FOXN2: variants seen among roughly 807,000 people sequenced by gnomAD.
The protein encoded by FOXN2 is forkhead box N2, also known as forkhead box protein N2.
FOXN2 carries 19 observed loss-of-function variants against 41.2 expected under a neutral mutation model. That is an observed-to-expected ratio of 0.46 (90% CI 0.32 to 0.68). The LOEUF (loss-of-function observed/expected upper bound fraction) is 0.68, where lower values mean the gene tolerates loss of function less well. Ranked by LOEUF, FOXN2 falls within the 30% of genes least tolerant of loss-of-function variation. The pLI, the probability that FOXN2 is intolerant of heterozygous loss-of-function variation, is 0.03. For missense variants in FOXN2, 587 were observed against 509.4 expected (o/e 1.15, Z -1.47); for synonymous variants, 195 against 176.8 (o/e 1.10, Z -0.82).
At chr2:48,353,600 G>C (rs1671598220) in intron 3 of FOXN2, among the ~76,000 whole-genome samples, 1 of 142,004 alleles carries the variant, frequency 7.0e-6, no homozygotes, top group African/African-American at 2.6e-5. Flanking sequence ...GTGTGTGTGT[G>C]TGTGTGAAAG....
Position 48,346,492 on chromosome 2 carries a change from T to C in FOXN2, c.278T>C (p.Val93Ala). ...TTGTATGACATAGAGGGAGATGATG[T>C]GCCATCCTTTGGACCAGCTTGCTAC... ...SPLYDIEGDDVPSFGPACYQN... is the reference protein window; with the variant it reads ...SPLYDIEGDDAPSFGPACYQN... Residue 93 changes from valine to alanine, a missense_variant, in exon 3 of 7, where the codon GTG (valine) becomes GCG (alanine). By Grantham distance (64) the Val-to-Ala change is moderately conservative (BLOSUM62 0). Coordinates refer to ENST00000340553, the MANE Select transcript of FOXN2 (RefSeq NM_002158.4). 6.2e-7 allele frequency: 1 copy of C among 1,614,152 alleles called. No individual in the cohort carries two copies. Among genetic ancestry groups the C allele is most frequent in the Non-Finnish European group, 8.5e-7 (1 of 1,180,010 alleles).
intron 1 of FOXN2, among the ~76,000 whole-genome samples, chr2:48,322,692 G>C (rs1189123893): frequency 6.7e-6 from 1 of 149,572 alleles, no homozygotes; most frequent in East Asian, 1.9e-4. Context: ...ATCACCTCAT[G>C]TCTGAGCTTT....
intron 2 of FOXN2, among the ~76,000 whole-genome samples, chr2:48,341,226 A>G (rs62137001): frequency 0.24 from 35,951 of 152,084 alleles, 4,740 homozygotes; most frequent in East Asian, 0.52. Flanking sequence ...CTGACCATGC[A>G]TATTATTAAT....
At position 48,351,629 on chromosome 2, in the gene FOXN2, A is replaced by G. The variant is rs1240209169; in HGVS notation, c.537+4878A>G. Among the ~76,000 whole-genome samples, 5 of 152,138 alleles carry G rather than the reference A, an allele frequency of 3.3e-5. No individual in the cohort carries two copies. The East Asian group carries it at 7.7e-4, about 24-fold the overall frequency. On this transcript the variant is annotated intron_variant, in intron 3 of 6. Transcript: ENST00000340553. ...GATTCTCATAAGGAGCGCACAGCCT[A>G]GATCCCCTCACATGCACAGTTCACA...
At chr2:48,369,715 T>C (rs960320483) in intron 5 of FOXN2, among the ~76,000 whole-genome samples, 1 of 151,484 alleles carries the variant, frequency 6.6e-6, no homozygotes, top group Admixed American at 6.6e-5. Context: ...AGATCCTTTT[T>C]ATTAAAAAGA....
intron 1 of FOXN2, among the ~76,000 whole-genome samples, chr2:48,317,585 T>C (rs1669004825): frequency 7.2e-6 from 1 of 139,536 alleles, no homozygotes; most frequent in African/African-American, 2.6e-5. Flanking sequence ...GCCTATAGCC[T>C]ATAGTATTGC....
chr2:48,349,827 T>TA (rs1192060882), intron 3 of FOXN2, among the ~76,000 whole-genome samples: 1 of 152,194 alleles, frequency 6.6e-6, no homozygotes, highest in Non-Finnish European at 1.5e-5. Flanking sequence ...TATGAACTCT[T>TA]ACCTTTGACA....
chr2:48,368,003 C>T (rs1239714862), intron 5 of FOXN2, among the ~76,000 whole-genome samples: 1 of 152,224 alleles, frequency 6.6e-6, no homozygotes, highest in Middle Eastern at 3.4e-3. Context: ...TGACCTCACC[C>T]GGCTAATTTT....
At chr2:48,314,368 GC>G (rs1668743323), upstream of FOXN2, among the ~76,000 whole-genome samples, 1 of 152,226 alleles carries the variant, frequency 6.6e-6, no homozygotes, top group Non-Finnish European at 1.5e-5. Context: ...GCCCTGCTCA[GC>G]CCTAAACCCG....
intron 2 of FOXN2, among the ~76,000 whole-genome samples, chr2:48,332,228 T>A (rs1360153389): frequency 6.6e-6 from 1 of 152,216 alleles, no homozygotes; most frequent in Non-Finnish European, 1.5e-5. Flanking sequence ...GTAGTATAGT[T>A]ATTTTTATTG....
rs748357224 is a variant in FOXN2, at chr2:48,375,362, C to T, written c.1215C>T (p.Leu405=). ...TCAAAGAGGCAGCTGGATCTCTGCT[C>T]CACCTTGCTGGAATTCGTACATGTT... ...EELKEAAGSL[L]HLAGIRTCLG... Residue 405 remains leucine (L), a synonymous_variant, in exon 7 of 7, where the codon CTC becomes CTT. Coordinates refer to ENST00000340553, the MANE Select transcript of FOXN2 (RefSeq NM_002158.4). 44 of 1,613,494 alleles carry T rather than the reference C, an allele frequency of 2.7e-5. No homozygotes were observed. The highest frequency in any genetic ancestry group is 1.8e-4 in the East Asian group (8 of 44,796).
chr2:48,315,359 CG>C (rs1668838319), intron 1 of FOXN2, among the ~76,000 whole-genome samples: 1 of 152,062 alleles, frequency 6.6e-6, no homozygotes, highest in Non-Finnish European at 1.5e-5. Context: ...GGGGAGGTGC[CG>C]GGGGCGGCCG....
At chr2:48,317,595 C>CCTTTTTTTTTTTTTTTTTTTTTTTTT (rs1669006573) in intron 1 of FOXN2, among the ~76,000 whole-genome samples, 1 of 34,712 alleles carries the variant, frequency 2.9e-5, no homozygotes, top group African/African-American at 8.7e-5. Flanking sequence ...TATAGTATTG[C>CCTTTTTTTTTTTTTTTTTTTTTTTTT]TTTTTTTTTT....
At position 48,333,289 on chromosome 2, in the gene FOXN2, A is replaced by G. The variant is rs539666196; in HGVS notation, c.-15+4587A>G. Reference sequence around the variant, plus strand: ...ATCTCTTTCTCTACCTTTTATCTACATTACTAGATGCAGAGATACTATAAT... The same window carrying G: ...ATCTCTTTCTCTACCTTTTATCTACGTTACTAGATGCAGAGATACTATAAT... On this transcript the variant is annotated intron_variant, in intron 2 of 6. Transcript: ENST00000340553. 1.9e-4 allele frequency among the ~76,000 whole-genome samples: 29 copies of G among 152,246 alleles called. No homozygotes were observed. In the South Asian group the frequency reaches 5.6e-3, roughly 29 times the overall value.
intron 2 of FOXN2, among the ~76,000 whole-genome samples, chr2:48,330,896 G>C (rs572066315): frequency 1.6e-4 from 25 of 152,174 alleles, no homozygotes; most frequent in Non-Finnish European, 2.6e-4. Flanking sequence ...CTGTAGGCTA[G>C]ATGCTGCCAT....
chr2:48,320,013 G>A (rs1166721363), intron 1 of FOXN2, among the ~76,000 whole-genome samples: 2 of 151,706 alleles, frequency 1.3e-5, no homozygotes, highest in African/African-American at 4.8e-5. Flanking sequence ...ATAGAGAATT[G>A]AGGAAATTGA....
In FOXN2 at chr2:48,346,062, C is replaced by G. The variant is rs187179077; in HGVS notation, c.-14-139C>G. 3.6e-5 allele frequency: 24 copies of G among 675,116 alleles called. No homozygotes were observed. In the East Asian group the frequency reaches 5.9e-4, roughly 17 times the overall value. 41.8% of individuals were successfully genotyped at this position (675,116 alleles called of 1,614,324 possible). On this transcript the variant is annotated intron_variant, in intron 2 of 6. Transcript: ENST00000340553. ...TATAACCATTAGTATCTTCATTATA[C>G]AAATGTTGTGCTTAAATATTATGTG...
intron 1 of FOXN2, among the ~76,000 whole-genome samples, chr2:48,320,312 A>G (rs1669216006): frequency 6.7e-6 from 1 of 149,722 alleles, no homozygotes; most frequent in African/African-American, 2.5e-5. Context: ...TTATTTTGAG[A>G]TGGAGTTGTG....
intron 2 of FOXN2, among the ~76,000 whole-genome samples, 190 bp downstream of exon 2, chr2:48,328,892 C>G (rs968220569): frequency 2.6e-5 from 4 of 151,970 alleles, no homozygotes; most frequent in Non-Finnish European, 5.9e-5. Flanking sequence ...TATTTAGTAA[C>G]ATGTAGGGTA....
Sources: gnomAD v4.1 joint callset for allele counts (sites outside exome capture counted in the v4.1 genomes callset) on GRCh38, gnomAD v4.1.1 for gene constraint, MANE v1.5 for transcripts, NCBI Gene and HGNC (gene_info 2026-07-23, HGNC 2026-07-21) for gene names.